Variants in SPRED1 observed in about 807,000 individuals in gnomAD.
The protein encoded by SPRED1 is sprouty-related, EVH1 domain-containing protein 1.
A neutral mutation model predicts 52.3 loss-of-function variants in SPRED1; 18 were observed. The observed-to-expected ratio is 0.34, with a 90% CI of 0.24 to 0.51. The LOEUF (loss-of-function observed/expected upper bound fraction) is 0.51. Ranked by LOEUF, SPRED1 falls within the 20% of genes least tolerant of loss-of-function variation. The pLI, the probability that SPRED1 is intolerant of heterozygous loss-of-function variation, is 0.97. For missense variants in SPRED1, 485 were observed against 551.0 expected, an observed-to-expected ratio of 0.88 and a Z score of 1.20; for synonymous variants, 155 against 179.7, an observed-to-expected ratio of 0.86 and a Z score of 1.10.
At chr15:38,279,882 A>G (rs928606943) in intron 1 of SPRED1, among the ~76,000 whole-genome samples, 2 of 152,180 alleles carry the variant, frequency 1.3e-5, no homozygotes, top group African/African-American at 4.8e-5. Context: ...TCAGTGTTTC[A>G]TGGAATCAAA....
At position 38,293,752 on chromosome 15, in the gene SPRED1, TTTTC is replaced by T. The variant is rs796597178; in HGVS notation, c.33-5611_33-5608del. On this transcript the variant is annotated intron_variant, in intron 1 of 6. Coordinates refer to ENST00000299084, the MANE Select transcript of SPRED1 (RefSeq NM_152594.3). ...GCTTAATACAGTAAGTCAACTACTA[TTTTC>T]TTTCTTTCTCTCTATCGCTTATGTC... Among the ~76,000 whole-genome samples the T allele has an allele frequency of 2.2e-4, 34 of 152,312 alleles. 1 individual carries two copies. Among genetic ancestry groups the T allele is most frequent in the African/African-American group, 6.0e-4 (25 of 41,584 alleles).
chr15:38,312,826 A>C (rs71470552), intron 2 of SPRED1, among the ~76,000 whole-genome samples: 4,638 of 151,834 alleles, frequency 0.031, 104 homozygotes, highest in Non-Finnish European at 0.044. Context: ...CTTTACTTTT[A>C]GTTTTGTCCC....
intron 1 of SPRED1, among the ~76,000 whole-genome samples, chr15:38,278,260 T>C (rs978906057): frequency 5.9e-5 from 9 of 152,118 alleles, no homozygotes; most frequent in Non-Finnish European, 1.0e-4. Flanking sequence ...GGTGGGCAGA[T>C]TGCTTGAGCC....
In SPRED1 at chr15:38,352,022, C is replaced by G. The variant is rs569990101; in HGVS notation, c.*358C>G. ...TTAAAGGTTTGAATTTATTAGGACA[C>G]GAACTAAAAATAAAAGTGCACTAGG... is the stretch of plus-strand genomic sequence containing the variant. On this transcript the variant is annotated 3_prime_UTR_variant, in exon 7 of 7. Coordinates refer to ENST00000299084, the MANE Select transcript of SPRED1 (RefSeq NM_152594.3). The G allele has an allele frequency of 1.2e-5, 3 of 246,348 alleles. No individual in the cohort carries two copies. In the East Asian group the frequency reaches 3.1e-4, roughly 26 times the overall value. 15.3% of individuals were successfully genotyped at this position (246,348 alleles called of 1,614,324 possible). A position where few individuals can be genotyped will look rare whatever the true frequency, so the allele number is the denominator to read the frequency against.
At chr15:38,288,560 C>G (rs10520055) in intron 1 of SPRED1, among the ~76,000 whole-genome samples, 33,945 of 152,000 alleles carry the variant, frequency 0.22, 4,012 homozygotes, top group Middle Eastern at 0.33. Context: ...AAAGGAGCAA[C>G]CGATAGAATA....
chr15:38,347,461 C>CTTTTTTTTTTTTT (rs3075337), intron 5 of SPRED1, among the ~76,000 whole-genome samples: 1 of 93,224 alleles, frequency 1.1e-5, no homozygotes, highest in Non-Finnish European at 2.1e-5. Context: ...CCGCTTGGAT[C>CTTTTTTTTTTTTT]TTTTTTTTTT....
Position 38,253,024 on chromosome 15 carries a change from G to T in SPRED1, c.-162G>T. 3.0e-6 allele frequency: 2 copies of T among 673,228 alleles called. No individual in the cohort carries two copies. Among genetic ancestry groups the T allele is most frequent in the Non-Finnish European group, 5.3e-6 (2 of 377,046 alleles). The allele number at this position is 673,228 out of a possible 1,614,324, so 41.7% of individuals were successfully genotyped here. ...GCGGGGGTGGCCGGGGTTCCCGGCT[G>T]GGGGGGTACCGTTCTGGGTGAGGCA... On this transcript the variant is annotated 5_prime_UTR_variant, in exon 1 of 7. Coordinates refer to ENST00000299084, the MANE Select transcript of SPRED1 (RefSeq NM_152594.3).
At chr15:38,306,140 A>G (rs1051694088) in intron 2 of SPRED1, among the ~76,000 whole-genome samples, 1 of 152,190 alleles carries the variant, frequency 6.6e-6, no homozygotes, top group African/African-American at 2.4e-5. Flanking sequence ...AAATGTTTAT[A>G]ATCTGGCCCT....
intron 4 of SPRED1, among the ~76,000 whole-genome samples, chr15:38,339,473 A>C (rs1400587694): frequency 6.6e-6 from 1 of 152,168 alleles, no homozygotes; most frequent in Non-Finnish European, 1.5e-5. Flanking sequence ...TCTACATGAC[A>C]TGGTTAGCCT....
intron 1 of SPRED1, chr15:38,268,147 T>A (rs1894350996): frequency 6.6e-6 from 1 of 152,246 alleles, no homozygotes; most frequent in Non-Finnish European, 1.5e-5. Flanking sequence ...AGCAATGATG[T>A]AATAACATTT....
intron 5 of SPRED1, 121 bp downstream of exon 5, chr15:38,340,016 A>AC: frequency 8.0e-7 from 1 of 1,252,724 alleles, no homozygotes; most frequent in Non-Finnish European, 1.1e-6. Context: ...ACAAACAAAA[A>AC]CCCCACAAAC....
chr15:38,269,456 C>T (rs1441296797), intron 1 of SPRED1, among the ~76,000 whole-genome samples: 1 of 152,094 alleles, frequency 6.6e-6, no homozygotes, highest in East Asian at 1.9e-4. Flanking sequence ...GTTGGCCAGC[C>T]GGGCTGGTCT....
intron 1 of SPRED1, among the ~76,000 whole-genome samples, chr15:38,273,223 G>A (rs748856579): frequency 9.2e-5 from 14 of 152,094 alleles, no homozygotes; most frequent in Non-Finnish European, 1.8e-4. Context: ...TAGCTGGCTA[G>A]CCATATGCAG....
At chr15:38,287,995 A>G (rs1265343040) in intron 1 of SPRED1, among the ~76,000 whole-genome samples, 1 of 152,152 alleles carries the variant, frequency 6.6e-6, no homozygotes, top group East Asian at 1.9e-4. Context: ...GACTTGAATC[A>G]TGAATCACTC....
chr15:38,253,196 A>G lies in SPRED1; in HGVS notation c.11A>G (p.Glu4Gly). 6.3e-7 allele frequency: 1 copy of G among 1,580,976 alleles called. No homozygotes were observed. Residue 4 changes from glutamate (E) to glycine (G), a missense_variant, in exon 1 of 7, where the codon GAG becomes GGG. By Grantham distance (98) the Glu-to-Gly change is moderately conservative. This residue lies in a region of SPRED1 where 34 missense variants were observed against 25.8 expected (regional missense o/e 1.32). Coordinates refer to ENST00000299084, the MANE Select transcript of SPRED1 (RefSeq NM_152594.3). MSE[E>G]TATSDNDNSY... The stretch of plus-strand genomic sequence containing the variant: ...CACGGTGAGGGAAAGATGAGCGAGG[A>G]GACGGCGACTTCTGACAACGAGTAA...
intron 1 of SPRED1, among the ~76,000 whole-genome samples, chr15:38,284,321 C>T (rs1393891334): frequency 6.6e-6 from 1 of 152,098 alleles, no homozygotes; most frequent in African/African-American, 2.4e-5. Flanking sequence ...TTCATACGCT[C>T]ATGAGTGCAT....
intron 1 of SPRED1, among the ~76,000 whole-genome samples, chr15:38,286,371 G>T (rs1202766743): frequency 1.3e-5 from 2 of 151,848 alleles, no homozygotes; most frequent in African/African-American, 4.8e-5. Context: ...AAATAGGACA[G>T]TTTTTAAAAT....
intron 1 of SPRED1, among the ~76,000 whole-genome samples, chr15:38,274,443 A>G (rs1390689886): frequency 6.6e-6 from 1 of 152,230 alleles, no homozygotes; most frequent in Non-Finnish European, 1.5e-5. Context: ...TTCTCAAAGC[A>G]GTTGTGAGAT....
At chr15:38,341,183 A>G (rs1261266635) in intron 5 of SPRED1, among the ~76,000 whole-genome samples, 1 of 151,978 alleles carries the variant, frequency 6.6e-6, no homozygotes, top group Non-Finnish European at 1.5e-5. Flanking sequence ...CGTTGCTGAT[A>G]CTGAAAATAA....
Sources: gnomAD v4.1 joint callset for allele counts (sites outside exome capture counted in the v4.1 genomes callset) on GRCh38, gnomAD v4.1.1 for gene constraint, gnomAD v4.1.1 regional missense constraint, MANE v1.5 for transcripts, NCBI Gene and HGNC (gene_info 2026-07-23, HGNC 2026-07-21) for gene names.